ACACA: variants seen among roughly 807,000 people sequenced by gnomAD.
The protein encoded by ACACA is acetyl-CoA carboxylase 1.
ACACA carries 103 observed loss-of-function variants against 296.1 expected under a neutral mutation model. The observed-to-expected ratio is 0.35, with a 90% CI of 0.30 to 0.41. The LOEUF (loss-of-function observed/expected upper bound fraction) is 0.41, where lower values mean the gene tolerates loss of function less well. ACACA is among the 10% of genes least tolerant of loss of function. The probability of loss-of-function intolerance (pLI) is 1.00; values close to 1 mark genes in which losing one functional copy is unlikely to be tolerated. For synonymous variants in ACACA, 953 were observed against 1,038.6 expected (o/e 0.92, Z 1.58); for missense variants, 1,554 against 2,989.7 (o/e 0.52, Z 11.20).
At chr17:37,120,011 G>C (rs2074450372) in intron 50 of ACACA, among the ~76,000 whole-genome samples, 1 of 150,270 alleles carries the variant, frequency 6.7e-6, no homozygotes, top group Admixed American at 6.7e-5. Context: ...TCCTGCCTCA[G>C]CCTCCCAAGT....
intron 48 of ACACA, among the ~76,000 whole-genome samples, chr17:37,124,990 C>T (rs11650327): frequency 2.6e-5 from 4 of 151,986 alleles, no homozygotes; most frequent in African/African-American, 9.7e-5. Flanking sequence ...AGATGCGGTC[C>T]CTCAGCAGCA....
chr17:37,238,063 T>C (rs1040094600), intron 24 of ACACA, among the ~76,000 whole-genome samples: 2 of 152,194 alleles, frequency 1.3e-5, no homozygotes, highest in African/African-American at 4.8e-5. Flanking sequence ...TTATGACGTA[T>C]TTTGATGAAC....
chr17:37,276,144 G>A (rs2082276747), intron 7 of ACACA, 95 bp from the exon 8 acceptor site: 1 of 898,828 alleles, frequency 1.1e-6, no homozygotes, highest in Non-Finnish European at 1.9e-6. Context: ...TTATGTATTT[G>A]TCTTGTCCTC....
At chr17:37,311,695 T>C (rs2084152150) in intron 3 of ACACA, among the ~76,000 whole-genome samples, 1 of 151,242 alleles carries the variant, frequency 6.6e-6, no homozygotes, top group Non-Finnish European at 1.5e-5. Flanking sequence ...AAAAACAATA[T>C]AGGAGAAAGA....
At chr17:37,283,167 T>G in intron 5 of ACACA, 100 bp downstream of exon 5, 1 of 1,408,716 alleles carries the variant, frequency 7.1e-7, no homozygotes, top group Non-Finnish European at 1.0e-6. Flanking sequence ...GGAAGTCCTA[T>G]GTTTGGGAAT....
chr17:37,122,703 T>C (rs2074586654), intron 48 of ACACA, 76 bp from the exon 49 acceptor site: 1 of 1,264,722 alleles, frequency 7.9e-7, no homozygotes. Flanking sequence ...CAATCCCAAA[T>C]CAAGACATTG....
At chr17:37,268,820 C>T (rs2081936093) in intron 10 of ACACA, among the ~76,000 whole-genome samples, 1 of 146,328 alleles carries the variant, frequency 6.8e-6, no homozygotes, top group Non-Finnish European at 1.5e-5. Context: ...TTTATTCAGC[C>T]AACTAGTATT....
At chr17:37,260,290 ATATATAT>A (rs1567899822) in intron 11 of ACACA, among the ~76,000 whole-genome samples, 1 of 17,564 alleles carries the variant, frequency 5.7e-5, no homozygotes, top group Non-Finnish European at 1.0e-4. Context: ...ATATATATAT[ATATATAT>A]TTTTTTTTTT....
intron 19 of ACACA, among the ~76,000 whole-genome samples, 193 bp from the exon 20 acceptor site, chr17:37,245,407 G>A (rs1383123963): frequency 6.6e-6 from 1 of 152,070 alleles, no homozygotes; most frequent in East Asian, 1.9e-4. Flanking sequence ...CCTCACTTTA[G>A]GAATTAATAA....
At chr17:37,265,934 TTG>T (rs1429431788) in intron 10 of ACACA, among the ~76,000 whole-genome samples, 2 of 152,222 alleles carry the variant, frequency 1.3e-5, no homozygotes, top group Non-Finnish European at 2.9e-5. Flanking sequence ...ACTTTTCATT[TTG>T]AACTGTTTCT....
At chr17:37,305,122 T>C (rs565681059) in intron 3 of ACACA, among the ~76,000 whole-genome samples, 2 of 152,332 alleles carry the variant, frequency 1.3e-5, no homozygotes, top group South Asian at 4.1e-4. Context: ...TATCTTTACA[T>C]GTCTCACGGC....
rs745306862 is a variant in ACACA at position 37,097,137 on chromosome 17, G to C, written c.6750C>G (p.Thr2250=). The change falls in exon 54 of 56, where the codon ACC becomes ACG. Residue 2250 remains threonine, a synonymous_variant. Coordinates refer to ENST00000616317, the MANE Select transcript of ACACA (RefSeq NM_198834.3). The surrounding 1 kb of genome is among the most constrained non-coding windows in gnomAD (Gnocchi z 4.8). The part of the protein sequence containing the change: ...SDILDWKTSR[T]FFYWRLRRLL... ...GACGCCTCAGCCGCCAGTAGAAGAA[G>C]GTACGGGATGTTTTCCAATCCAGGA... is the stretch of plus-strand genomic sequence containing the variant. The C allele has an allele frequency of 1.9e-6, 3 of 1,613,810 alleles. No homozygotes were observed. In the East Asian group the frequency reaches 6.7e-5, roughly 36 times the overall value.
intron 43 of ACACA, among the ~76,000 whole-genome samples, chr17:37,152,055 A>G (rs993426035): frequency 1.3e-5 from 2 of 152,002 alleles, no homozygotes; most frequent in African/African-American, 4.8e-5. Context: ...TCGGCCTCCC[A>G]AAGTGCTGGG....
chr17:37,085,174 C>A lies in ACACA; in HGVS notation c.*2142G>T. 6.4e-6 allele frequency: 1 copy of A among 156,668 alleles called. No individual in the cohort carries two copies. Among genetic ancestry groups the A allele is most frequent in the Non-Finnish European group, 1.4e-5 (1 of 71,122 alleles). 9.7% of individuals were successfully genotyped at this position (156,668 alleles called of 1,614,324 possible). The stretch of plus-strand genomic sequence containing the variant: ...TCTTGGTCAATATCCATCATTTATA[C>A]TCCTCCTGCCTTAGTAGCCTTGCAT... On this transcript the variant is annotated 3_prime_UTR_variant, in exon 56 of 56. Transcript: ENST00000616317.
intron 11 of ACACA, among the ~76,000 whole-genome samples, chr17:37,260,286 ATATATATATATT>A (rs1257359942): frequency 3.2e-5 from 1 of 30,892 alleles, no homozygotes; most frequent in African/African-American, 1.6e-4. Flanking sequence ...ATATATATAT[ATATATATATATT>A]TTTTTTTTTT....
intron 10 of ACACA, among the ~76,000 whole-genome samples, chr17:37,266,421 CAAA>C (rs57539782): frequency 1.9e-5 from 2 of 104,754 alleles, no homozygotes; most frequent in Admixed American, 8.9e-5. Flanking sequence ...CTCAAGAAAA[CAAA>C]AAAAAAAAAG....
chr17:37,317,096 T>C (rs2047131686), intron 3 of ACACA, among the ~76,000 whole-genome samples: 2 of 148,108 alleles, frequency 1.4e-5, no homozygotes, highest in African/African-American at 4.9e-5. Flanking sequence ...GAAAAAAAGA[T>C]TTGCAATGAC....
chr17:37,104,944 G>GGAA (rs1555546831), intron 52 of ACACA, among the ~76,000 whole-genome samples: 5 of 56,648 alleles, frequency 8.8e-5, no homozygotes, highest in African/African-American at 2.8e-4. Context: ...GTCTCTGACC[G>GGAA]AAAAAAAAAA....
chr17:37,251,304 A>T (rs1333913081), intron 16 of ACACA, among the ~76,000 whole-genome samples: 2 of 152,216 alleles, frequency 1.3e-5, no homozygotes, highest in African/African-American at 4.8e-5. Flanking sequence ...TTACTACATG[A>T]GAGTAACATA....
Sources: allele counts gnomAD v4.1 joint callset (sites outside exome capture counted in the v4.1 genomes callset), GRCh38; gene constraint gnomAD v4.1.1; non-coding constraint Gnocchi (gnomAD v3.1); transcripts MANE v1.5; gene names NCBI Gene and HGNC (gene_info 2026-07-23, HGNC 2026-07-21).